Variants in MERTK observed in about 807,000 individuals in gnomAD.
MERTK encodes MER proto-oncogene, tyrosine kinase.
MERTK carries 69 observed loss-of-function variants against 99.3 expected under a neutral mutation model. The ratio of observed to expected loss-of-function variants is 0.70; its 90% CI spans 0.57 to 0.85. The LOEUF (loss-of-function observed/expected upper bound fraction) is 0.85, where lower values mean the gene tolerates loss of function less well. MERTK is among the 40% of genes least tolerant of loss of function. The probability of loss-of-function intolerance (pLI) is 0.00; values close to 1 mark genes in which losing one functional copy is unlikely to be tolerated. For missense variants in MERTK, 1,125 were observed against 1,249.4 expected, an observed-to-expected ratio of 0.90 and a Z score of 1.50; for synonymous variants, 426 against 467.6, an observed-to-expected ratio of 0.91 and a Z score of 1.15.
chr2:111,932,204 C>T (rs548465623), intron 2 of MERTK, among the ~76,000 whole-genome samples: 20 of 152,120 alleles, frequency 1.3e-4, no homozygotes, highest in East Asian at 1.9e-4. Flanking sequence ...TTTTTTGAGA[C>T]GGAGTCTTGC....
At chr2:112,001,333 A>G in intron 11 of MERTK, 47 bp downstream of exon 11, 1 of 1,398,138 alleles carries the variant, frequency 7.2e-7, no homozygotes, top group Non-Finnish European at 1.0e-6. Flanking sequence ...AAAATAGTTG[A>G]GAACAAAGAA....
At chr2:111,925,292 A>ATATATATATTTT (rs372747015) in intron 1 of MERTK, among the ~76,000 whole-genome samples, 4 of 24,486 alleles carry the variant, frequency 1.6e-4, no homozygotes, top group African/African-American at 5.7e-4. Context: ...ATATATATAT[A>ATATATATATTTT]TTTTTTTTTT....
At chr2:111,941,904 C>G (rs973788769) in intron 2 of MERTK, among the ~76,000 whole-genome samples, 2 of 152,180 alleles carry the variant, frequency 1.3e-5, no homozygotes, top group Non-Finnish European at 2.9e-5. Context: ...TGCTGGTTGG[C>G]TTAAGGTTCT....
Position 112,029,263 on chromosome 2 carries a change from G to A in MERTK, c.*399G>A, listed in dbSNP as rs997640382. On this transcript the variant is annotated 3_prime_UTR_variant, in exon 19 of 19. Transcript: ENST00000295408. Reference sequence around the variant, plus strand: ...AAAATGAAATGCCATATTTGACTTGGCTTCTGGTCTTGATGTATTTGATAA... The same window carrying A: ...AAAATGAAATGCCATATTTGACTTGACTTCTGGTCTTGATGTATTTGATAA... 1 of 980,986 alleles carries A rather than the reference G, an allele frequency of 1.0e-6. No individual in the cohort carries two copies. Among genetic ancestry groups the A allele is most frequent in the African/African-American group, 1.8e-5 (1 of 56,844 alleles). 60.8% of individuals were successfully genotyped at this position (980,986 alleles called of 1,614,324 possible).
rs895453660 is a variant in MERTK, at chr2:111,949,887, A to G, written c.757+2320A>G. Among the ~76,000 whole-genome samples, 4 of 152,302 alleles carry G rather than the reference A, an allele frequency of 2.6e-5. No individual in the cohort carries two copies. In the South Asian group the frequency reaches 8.3e-4, roughly 32 times the overall value. ...CTTTCCGTGGCTTCTTCCACTCAACATGATATCTTTGAGATTCATCCATGA... is the reference window on the plus strand; with the variant it reads ...CTTTCCGTGGCTTCTTCCACTCAACGTGATATCTTTGAGATTCATCCATGA... On this transcript the variant is annotated intron_variant, in intron 4 of 18. Coordinates refer to ENST00000295408, the MANE Select transcript of MERTK (RefSeq NM_006343.3).
intron 1 of MERTK, among the ~76,000 whole-genome samples, chr2:111,922,463 ATATTACTCT>A (rs1237922387): frequency 6.6e-6 from 1 of 152,152 alleles, no homozygotes; most frequent in Non-Finnish European, 1.5e-5. Flanking sequence ...GCTGGCAATT[ATATTACTCT>A]AGTATTGCCC....
intron 4 of MERTK, among the ~76,000 whole-genome samples, chr2:111,950,172 A>G (rs912556938): frequency 2.0e-5 from 3 of 152,146 alleles, no homozygotes; most frequent in African/African-American, 7.2e-5. Flanking sequence ...CTGACCTTAA[A>G]TGATCCGACC....
chr2:112,012,233 C>G (rs368413505), intron 15 of MERTK, among the ~76,000 whole-genome samples: 6 of 148,576 alleles, frequency 4.0e-5, no homozygotes, highest in Admixed American at 3.3e-4. Flanking sequence ...CCCTTCCCCC[C>G]GCCCCCCACA....
chr2:111,960,843 G>A (rs1685236387), intron 4 of MERTK, among the ~76,000 whole-genome samples: 1 of 151,744 alleles, frequency 6.6e-6, no homozygotes, highest in African/African-American at 2.4e-5. Flanking sequence ...TTTTGAAGAT[G>A]TTTAAATTAC....
rs748928622 is a variant in MERTK at position 111,898,780 on chromosome 2, C to A, written c.45C>A (p.Pro15=). Residue 15 remains proline, a synonymous_variant, in exon 1 of 19, where the codon CCC becomes CCA. Coordinates refer to ENST00000295408, the MANE Select transcript of MERTK (RefSeq NM_006343.3). ...PLPLLLGLFL[P]ALWRRAITEA... is the part of the protein sequence containing the mutation. ...CGCTGCTGCTGGGCCTCTTCCTCCC[C>A]GCGCTCTGGCGTAGAGGTGAGTGCG... The A allele has an allele frequency of 1.3e-6, 2 of 1,598,022 alleles. No individual in the cohort carries two copies. The highest frequency in any genetic ancestry group is 1.1e-5 in the South Asian group (1 of 88,402).
intron 15 of MERTK, among the ~76,000 whole-genome samples, chr2:112,016,104 C>T (rs991318422): frequency 5.3e-5 from 8 of 152,180 alleles, no homozygotes; most frequent in Admixed American, 4.6e-4. Flanking sequence ...ATTCTTCCTA[C>T]TTTGTTCTAC....
chr2:112,004,015 T>G (rs1265159744), intron 13 of MERTK, 31 bp downstream of exon 13: 1 of 1,568,198 alleles, frequency 6.4e-7, no homozygotes, highest in Admixed American at 1.7e-5. Context: ...CCCATTCTTC[T>G]AGGGTGGGCA....
intron 6 of MERTK, among the ~76,000 whole-genome samples, chr2:111,970,511 A>G (rs114013659): frequency 0.016 from 2,453 of 152,222 alleles, 67 homozygotes; most frequent in African/African-American, 0.046. Context: ...GTACAGTTCA[A>G]CGGTGTTTAG....
At chr2:111,954,564 A>T (rs1685114446) in intron 4 of MERTK, among the ~76,000 whole-genome samples, 1 of 152,246 alleles carries the variant, frequency 6.6e-6, no homozygotes, top group South Asian at 2.1e-4. Flanking sequence ...AAACAAATGA[A>T]TTACAAATAG....
intron 10 of MERTK, among the ~76,000 whole-genome samples, chr2:111,999,906 C>T (rs776047859): frequency 3.3e-5 from 5 of 152,112 alleles, no homozygotes; most frequent in Non-Finnish European, 5.9e-5. Context: ...TTTTTGTAAG[C>T]AGGGGGTGGA....
intron 5 of MERTK, among the ~76,000 whole-genome samples, chr2:111,966,077 C>A (rs1330957016): frequency 6.6e-6 from 1 of 152,152 alleles, no homozygotes; most frequent in African/African-American, 2.4e-5. Context: ...AAATCATCCT[C>A]CTTAGTGTGT....
At chr2:112,022,788 T>C (rs535489916) in intron 18 of MERTK, among the ~76,000 whole-genome samples, 1 of 152,284 alleles carries the variant, frequency 6.6e-6, no homozygotes, top group South Asian at 2.1e-4. Context: ...TCTTTCTCCT[T>C]CTATGTAGCA....
In MERTK at chr2:111,898,750, G is replaced by A. The variant is rs1245540834; in HGVS notation, c.15G>A (p.Pro5=). 1.2e-6 allele frequency: 2 copies of A among 1,605,482 alleles called. No homozygotes were observed. The highest frequency in any genetic ancestry group is 1.7e-5 in the Admixed American group (1 of 59,284). Residue 5 remains proline (P), a synonymous_variant, in exon 1 of 19, where the codon CCG becomes CCA. Coordinates refer to ENST00000295408, the MANE Select transcript of MERTK (RefSeq NM_006343.3). MGPA[P]LPLLLGLFLP... is the part of the protein sequence containing the mutation. Reference sequence around the variant, plus strand: ...GCAGCCCCGGGATGGGGCCGGCCCCGCTGCCGCTGCTGCTGGGCCTCTTCC... The same window carrying A: ...GCAGCCCCGGGATGGGGCCGGCCCCACTGCCGCTGCTGCTGGGCCTCTTCC...
intron 8 of MERTK, among the ~76,000 whole-genome samples, chr2:111,987,890 T>C (rs1676519107): frequency 6.6e-6 from 1 of 152,130 alleles, no homozygotes; most frequent in South Asian, 2.1e-4. Flanking sequence ...GGTTTATTGC[T>C]CTAATGCTAG....
Sources: allele counts gnomAD v4.1 joint callset (sites outside exome capture counted in the v4.1 genomes callset), GRCh38; gene constraint gnomAD v4.1.1; transcripts MANE v1.5; gene names NCBI Gene and HGNC (gene_info 2026-07-23, HGNC 2026-07-21).